Variants in RALGAPA1 observed in about 807,000 individuals in gnomAD.
RALGAPA1 encodes Ral GTPase activating protein catalytic subunit alpha 1.
In RALGAPA1, 52 loss-of-function variants were observed where a neutral mutation model predicts 269.6. The ratio of observed to expected loss-of-function variants is 0.19; its 90% confidence interval spans 0.15 to 0.24. The LOEUF is 0.24. Among genes scored for constraint, RALGAPA1 ranks in the 10% least tolerant of loss-of-function variants. RALGAPA1 has a pLI of 1.00. For synonymous variants in RALGAPA1, 817 were observed against 1,008.3 expected, an observed-to-expected ratio of 0.81 and a Z score of 3.60; for missense variants, 1,917 against 3,013.9, an observed-to-expected ratio of 0.64 and a Z score of 8.52.
intron 16 of RALGAPA1, among the ~76,000 whole-genome samples, chr14:35,708,693 T>G (rs2068025946): frequency 6.6e-6 from 1 of 152,068 alleles, no homozygotes; most frequent in African/African-American, 2.4e-5. Context: ...AGTTTGGAGA[T>G]TTCTCAAAAA....
intron 21 of RALGAPA1, among the ~76,000 whole-genome samples, chr14:35,678,305 T>C (rs1404463187): frequency 6.6e-6 from 1 of 152,248 alleles, no homozygotes; most frequent in Non-Finnish European, 1.5e-5. Flanking sequence ...ATGGGACTAT[T>C]AATAGTATAG....
chr14:35,780,552 T>C (rs558458386), intron 1 of RALGAPA1, among the ~76,000 whole-genome samples: 1 of 152,216 alleles, frequency 6.6e-6, no homozygotes, highest in East Asian at 1.9e-4. Context: ...TAGAAATCAA[T>C]AACATAAGGA....
chr14:35,594,680 T>C (rs534032637), intron 37 of RALGAPA1, among the ~76,000 whole-genome samples: 1 of 148,696 alleles, frequency 6.7e-6, no homozygotes, highest in African/African-American at 2.5e-5. Flanking sequence ...AGGGGAACAC[T>C]AGTACACTGT....
chr14:35,545,037 C>A (rs887713675), intron 41 of RALGAPA1, among the ~76,000 whole-genome samples: 10 of 151,902 alleles, frequency 6.6e-5, no homozygotes, highest in Non-Finnish European at 1.2e-4. Flanking sequence ...TCAAAAAAAA[C>A]AAAAACAAAA....
chr14:35,758,170 G>T (rs1352977765), intron 6 of RALGAPA1, among the ~76,000 whole-genome samples: 2 of 150,492 alleles, frequency 1.3e-5, no homozygotes, highest in East Asian at 1.9e-4. Flanking sequence ...GCTTGAACTG[G>T]GTGGTGGAGG....
intron 1 of RALGAPA1, among the ~76,000 whole-genome samples, chr14:35,805,668 A>G (rs1380542793): frequency 6.7e-6 from 1 of 149,866 alleles, no homozygotes; most frequent in Non-Finnish European, 1.5e-5. Flanking sequence ...ATACATATAT[A>G]TATTTTTTCT....
chr14:35,671,312 T>A (rs2064408891), intron 26 of RALGAPA1, 77 bp downstream of exon 26: 1 of 1,320,868 alleles, frequency 7.6e-7, no homozygotes, highest in Admixed American at 2.4e-5. Context: ...GATTATCAGC[T>A]TGTTATGTTT....
intron 30 of RALGAPA1, among the ~76,000 whole-genome samples, chr14:35,652,311 T>C (rs1167821894): frequency 2.0e-5 from 3 of 152,020 alleles, no homozygotes; most frequent in Non-Finnish European, 4.4e-5. Context: ...AAAAAACCAC[T>C]GTAATCCTAT....
chr14:35,632,744 C>A (rs969359994), intron 33 of RALGAPA1, among the ~76,000 whole-genome samples: 6 of 152,134 alleles, frequency 3.9e-5, no homozygotes, highest in Admixed American at 3.9e-4. Flanking sequence ...CAATAGTTCT[C>A]AAATCAGACT....
rs543089508 is a variant in RALGAPA1 at position 35,617,196 on chromosome 14, G to A, written c.6929+8165C>T. On this transcript the variant is annotated intron_variant, in intron 35 of 41. Transcript: ENST00000680220. ...GCTGAGACTTCAGGAGTGGACAGGAGGGGGACTGGGAATGGTGGTTCACAC... is the reference window on the plus strand; with the variant it reads ...GCTGAGACTTCAGGAGTGGACAGGAAGGGGACTGGGAATGGTGGTTCACAC... 4.6e-5 allele frequency among the ~76,000 whole-genome samples: 7 copies of A among 152,214 alleles called. No individual in the cohort carries two copies. In the East Asian group the frequency reaches 1.2e-3, roughly 25 times the overall value.
intron 16 of RALGAPA1, among the ~76,000 whole-genome samples, chr14:35,717,933 T>C (rs994404163): frequency 6.6e-6 from 1 of 152,170 alleles, no homozygotes; most frequent in Non-Finnish European, 1.5e-5. Flanking sequence ...CTCTCTTCTT[T>C]CCTTACTCCT....
chr14:35,644,924 T>A (rs929899076), intron 31 of RALGAPA1, among the ~76,000 whole-genome samples: 3 of 152,122 alleles, frequency 2.0e-5, no homozygotes, highest in African/African-American at 7.2e-5. Context: ...TAAAATAAAA[T>A]AAGAATTGGA....
At chr14:35,683,125 A>G (rs1158435818) in intron 21 of RALGAPA1, among the ~76,000 whole-genome samples, 1 of 152,204 alleles carries the variant, frequency 6.6e-6, no homozygotes, top group Non-Finnish European at 1.5e-5. Flanking sequence ...CCGGAACCAC[A>G]GTGAGGTTGG....
chr14:35,652,019 A>T, intron 30 of RALGAPA1, 146 bp from the exon 31 acceptor site: 1 of 538,400 alleles, frequency 1.9e-6, no homozygotes, highest in Non-Finnish European at 3.0e-6. Flanking sequence ...ATTTCAAAGT[A>T]ATGTTTAATA....
chr14:35,770,963 G>T lies in RALGAPA1; in HGVS notation c.304C>A (p.Arg102=). The T allele has an allele frequency of 7.3e-7, 1 of 1,373,338 alleles. No homozygotes were observed. Among genetic ancestry groups the T allele is most frequent in the Non-Finnish European group, 1.0e-6 (1 of 993,046 alleles). The allele number at this position is 1,373,338 out of a possible 1,614,324, so 85.1% of individuals were successfully genotyped here. Residue 102 remains arginine (R), a synonymous_variant, in exon 4 of 42, where the codon CGA becomes AGA. Transcript: ENST00000680220. ...TTACCAATACTATGAAACTGCCATC[G>T]CTGATGAATTCTTTCTGGAAGAAGT... ...LQLLPERIHQ[R]WQFHSIGLIL... is the part of the protein sequence containing the mutation.
chr14:35,556,985 A>G (rs1242796693), intron 39 of RALGAPA1, among the ~76,000 whole-genome samples: 1 of 152,188 alleles, frequency 6.6e-6, no homozygotes, highest in Non-Finnish European at 1.5e-5. Flanking sequence ...AACCTTAAAT[A>G]AATAGGCTTA....
At chr14:35,748,205 ACT>A (rs2072314047) in intron 10 of RALGAPA1, among the ~76,000 whole-genome samples, 2 of 152,062 alleles carry the variant, frequency 1.3e-5, no homozygotes. Context: ...AATAGAAAAT[ACT>A]AGAGGATTAG....
At chr14:35,599,734 AGAGT>A (rs1393759879) in intron 36 of RALGAPA1, among the ~76,000 whole-genome samples, 2 of 152,172 alleles carry the variant, frequency 1.3e-5, no homozygotes, top group African/African-American at 4.8e-5. Context: ...CCTGAATGAC[AGAGT>A]GAGACTCCAC....
Position 35,548,503 on chromosome 14 carries a change from C to A in RALGAPA1, c.*23+5G>T. ...GAGGGTGTTTTGGTTGACACTTTGT[C>A]TTACCTTCAGATAAACAGAACTGAT... is the stretch of plus-strand genomic sequence containing the variant. On this transcript the variant is annotated splice_donor_5th_base_variant and intron_variant, in intron 41 of 41. Coordinates refer to ENST00000680220, the MANE Select transcript of RALGAPA1 (RefSeq NM_001346249.2). The A allele has an allele frequency of 6.4e-7, 1 of 1,558,404 alleles. No individual in the cohort carries two copies. The highest frequency in any genetic ancestry group is 8.7e-7 in the Non-Finnish European group (1 of 1,151,832).
Sources: allele counts gnomAD v4.1 joint callset (sites outside exome capture counted in the v4.1 genomes callset), GRCh38; gene constraint gnomAD v4.1.1; transcripts MANE v1.5; gene names NCBI Gene and HGNC (gene_info 2026-07-23, HGNC 2026-07-21).